The following SYNE3 variants were observed in gnomAD, a reference collection of about 807,000 sequenced individuals.
SYNE3 encodes nesprin-3.
In SYNE3, 100 loss-of-function variants were observed where a neutral mutation model predicts 111.2. The observed-to-expected ratio is 0.90, with a 90% CI of 0.77 to 1.06. The LOEUF (loss-of-function observed/expected upper bound fraction) is 1.06. Among genes scored for constraint, SYNE3 ranks in the 50% least tolerant of loss-of-function variants. The pLI, the probability that SYNE3 is intolerant of heterozygous loss-of-function variation, is 0.00. For missense variants in SYNE3, 1,160 were observed against 1,240.3 expected (o/e 0.94, Z 0.97); for synonymous variants, 547 against 533.9 (o/e 1.02, Z -0.34).
At position 95,417,925 on chromosome 14, in the gene SYNE3, CAGGAACAGCAGGAGG is replaced by C; in HGVS notation, c.2814_2828del (p.Leu940_Leu944del). On this transcript the variant is annotated inframe_deletion, in exon 18 of 18. Transcript: ENST00000682763. ...TGCGGTCCTCTTCCCTGATTGGGAG[CAGGAACAGCAGGAGG>C]AGGAACAGCAGCAGAAGCAGCTGCA... is the stretch of plus-strand genomic sequence containing the variant. 4 of 1,614,090 alleles carry C rather than the reference CAGGAACAGCAGGAGG, an allele frequency of 2.5e-6. No homozygotes were observed. The highest frequency in any genetic ancestry group is 2.5e-6 in the Non-Finnish European group (3 of 1,180,028).
intron 1 of SYNE3, among the ~76,000 whole-genome samples, chr14:95,491,062 T>C (rs1566685693): frequency 6.6e-6 from 1 of 152,208 alleles, no homozygotes; most frequent in Non-Finnish European, 1.5e-5. Flanking sequence ...AAGGCAGGAC[T>C]GGCTGTTCTT....
chr14:95,428,238 C>A lies in SYNE3; in HGVS notation c.2727+3841G>T, dbSNP rs953356419. On this transcript the variant is annotated intron_variant, in intron 17 of 17. Transcript: ENST00000682763. ...TTTGAACCACACAGGCTGGAGCTCC[C>A]CAAGGTTGGCGGTCTCGGTTTACAC... Among the ~76,000 whole-genome samples, 10 of 152,098 alleles carry A rather than the reference C, an allele frequency of 6.6e-5. No homozygotes were observed. In the East Asian group the frequency reaches 1.9e-3, roughly 29 times the overall value.
chr14:95,498,508 C>T (rs35773336), intron 1 of SYNE3, among the ~76,000 whole-genome samples: 11,845 of 152,236 alleles, frequency 0.078, 633 homozygotes, highest in Admixed American at 0.18. Flanking sequence ...CGTGAGCCAC[C>T]GCTCTGGGCC....
intron 1 of SYNE3, among the ~76,000 whole-genome samples, chr14:95,515,360 C>G (rs2139627914): frequency 6.6e-6 from 1 of 152,356 alleles, no homozygotes; most frequent in East Asian, 1.9e-4. Context: ...CTCGTTGGCA[C>G]TGATATGCCC....
chr14:95,486,324 C>T (rs771208105), intron 1 of SYNE3, among the ~76,000 whole-genome samples: 1 of 152,124 alleles, frequency 6.6e-6, no homozygotes, highest in Non-Finnish European at 1.5e-5. Flanking sequence ...CCACCCAGCA[C>T]CCTTGACAAC....
chr14:95,456,163 T>C lies in SYNE3; in HGVS notation c.790-439A>G, dbSNP rs148912995. 967 of 222,224 alleles carry C rather than the reference T, an allele frequency of 4.4e-3. 17 individuals carry two copies. The highest frequency in any genetic ancestry group is 0.02 in the African/African-American group (866 of 44,374). The allele number at this position is 222,224 out of a possible 1,614,324, so 13.8% of individuals were successfully genotyped here. On this transcript the variant is annotated intron_variant, in intron 5 of 17. Coordinates refer to ENST00000682763, the MANE Select transcript of SYNE3 (RefSeq NM_152592.6). ...ATTTATGACAGTGATATGTTTTCTT[T>C]CTAAATAAATAATCATCAGTTTTTT...
At chr14:95,509,060 C>A (rs1890629695) in intron 1 of SYNE3, among the ~76,000 whole-genome samples, 1 of 152,200 alleles carries the variant, frequency 6.6e-6, no homozygotes. Flanking sequence ...GAGGATAATC[C>A]TGTCTCCAGC....
rs375467304 is a variant in SYNE3, at chr14:95,455,406, C to T, written c.1108G>A (p.Glu370Lys). 6.0e-5 allele frequency: 93 copies of T among 1,557,036 alleles called. No individual in the cohort carries two copies. Among genetic ancestry groups the T allele is most frequent in the Middle Eastern group, 3.4e-4 (2 of 5,802 alleles). ...QPAAKAGTED[E>K]LVAHWRRYSA... ...TAGCGTCTCCAGTGTGCCACCAGCTCGTCCTCGGTCCCCGCTTTCGCCGCA... is the reference window on the plus strand; with the variant it reads ...TAGCGTCTCCAGTGTGCCACCAGCTTGTCCTCGGTCCCCGCTTTCGCCGCA... The change falls in exon 6 of 18, where the codon GAG becomes AAG. Residue 370 changes from glutamate (E) to lysine (K), a missense_variant. Transcript: ENST00000682763.
At chr14:95,477,167 C>T (rs1487491541) in intron 1 of SYNE3, among the ~76,000 whole-genome samples, 1 of 152,214 alleles carries the variant, frequency 6.6e-6, no homozygotes. Flanking sequence ...GAGGCTTAGG[C>T]AGGAGGATCG....
At chr14:95,430,077 T>C (rs1885673537) in intron 17 of SYNE3, 2 of 648,244 alleles carry the variant, frequency 3.1e-6, no homozygotes, top group Admixed American at 1.3e-4. Context: ...AACACATTAA[T>C]TACAGGTTGT....
intron 1 of SYNE3, among the ~76,000 whole-genome samples, chr14:95,478,968 G>A (rs1889057620): frequency 6.6e-6 from 1 of 152,042 alleles, no homozygotes; most frequent in South Asian, 2.1e-4. Flanking sequence ...CATGAGGCCA[G>A]AAGGACCTAG....
chr14:95,452,096 G>T, intron 7 of SYNE3, 151 bp downstream of exon 7: 2 of 965,504 alleles, frequency 2.1e-6, no homozygotes, highest in East Asian at 2.6e-5. Context: ...TCTGAGCCAA[G>T]TGAGAACCTC....
intron 1 of SYNE3, among the ~76,000 whole-genome samples, chr14:95,484,185 C>G (rs1889415286): frequency 6.6e-6 from 1 of 152,092 alleles, no homozygotes; most frequent in Non-Finnish European, 1.5e-5. Context: ...AGAGAAGACA[C>G]CAGGGCAGCT....
chr14:95,427,566 C>CCT (rs914996013), intron 17 of SYNE3, among the ~76,000 whole-genome samples: 1 of 151,760 alleles, frequency 6.6e-6, no homozygotes, highest in Non-Finnish European at 1.5e-5. Context: ...CATAAGCTGT[C>CCT]CTCTCTCTCT....
chr14:95,422,694 G>A (rs1364449204), intron 17 of SYNE3, among the ~76,000 whole-genome samples: 1 of 152,188 alleles, frequency 6.6e-6, no homozygotes, highest in Non-Finnish European at 1.5e-5. Context: ...CCAAGCGTGG[G>A]ACGGTGGGAG....
In SYNE3 at chr14:95,440,018, G is replaced by C. The variant is rs1170122504; in HGVS notation, c.1969C>G (p.Leu657Val). The C allele has an allele frequency of 1.9e-6, 3 of 1,612,070 alleles. No individual in the cohort carries two copies. The South Asian group carries it at 3.3e-5, about 18-fold the overall frequency. The change falls in exon 12 of 18, where the codon CTG becomes GTG. Residue 657 changes from leucine (L) to valine (V), a missense_variant. Leu to Val is a conservative substitution (Grantham distance 32). Coordinates refer to ENST00000682763, the MANE Select transcript of SYNE3 (RefSeq NM_152592.6). ...VQEHCTFSHQLLELRQWIVVT... is the reference protein window; with the variant it reads ...VQEHCTFSHQVLELRQWIVVT... ...ACGATCCACTGCCGCAGCTCCAGCA[G>C]CTGGTGGCTGAAGGTGCAGTGCTCC... is the stretch of plus-strand genomic sequence containing the variant.
At chr14:95,482,994 C>T (rs997212883) in intron 1 of SYNE3, among the ~76,000 whole-genome samples, 3 of 152,206 alleles carry the variant, frequency 2.0e-5, no homozygotes, top group African/African-American at 4.8e-5. Context: ...ACGGCCCTCT[C>T]TGTCCCTCCC....
chr14:95,513,997 C>T (rs1011078825), intron 1 of SYNE3, among the ~76,000 whole-genome samples: 2 of 151,836 alleles, frequency 1.3e-5, no homozygotes, highest in African/African-American at 4.8e-5. Context: ...TGTAAATGGG[C>T]AAGCAATGAC....
intron 17 of SYNE3, among the ~76,000 whole-genome samples, chr14:95,427,579 C>CTCTCTCCT (rs1885508317): frequency 6.8e-6 from 1 of 147,242 alleles, no homozygotes; most frequent in Non-Finnish European, 1.5e-5. Context: ...CTCTCTCTCC[C>CTCTCTCCT]TCTCTCTCCC....
Sources: allele counts gnomAD v4.1 joint callset (sites outside exome capture counted in the v4.1 genomes callset), GRCh38; gene constraint gnomAD v4.1.1; transcripts MANE v1.5; gene names NCBI Gene and HGNC (gene_info 2026-07-23, HGNC 2026-07-21).